CLEC16A: variants seen among roughly 807,000 people sequenced by gnomAD.
CLEC16A encodes C-type lectin domain containing 16A.
Under a neutral mutation model 109.5 loss-of-function variants are expected in CLEC16A, and 51 were observed. The observed-to-expected ratio is 0.47, with a 90% confidence interval of 0.37 to 0.59. The LOEUF (loss-of-function observed/expected upper bound fraction) is 0.59. Ranked by LOEUF, CLEC16A falls within the 20% of genes least tolerant of loss-of-function variation. The probability of loss-of-function intolerance (pLI) is 0.00; values close to 1 mark genes in which losing one functional copy is unlikely to be tolerated. For synonymous variants in CLEC16A, 673 were observed against 564.2 expected, an observed-to-expected ratio of 1.19 and a Z score of -2.73; for missense variants, 1,339 against 1,394.0, an observed-to-expected ratio of 0.96 and a Z score of 0.63.
intron 10 of CLEC16A, among the ~76,000 whole-genome samples, chr16:11,002,607 C>A (rs139851400): frequency 6.6e-6 from 1 of 152,232 alleles, no homozygotes; most frequent in East Asian, 1.9e-4. Flanking sequence ...TGGAGTAATG[C>A]GCACTGGACC....
chr16:10,994,279 C>T (rs1212556239), intron 10 of CLEC16A, among the ~76,000 whole-genome samples: 1 of 152,210 alleles, frequency 6.6e-6, no homozygotes, highest in Non-Finnish European at 1.5e-5. Context: ...ACTGATGTTG[C>T]AGCTGTGCAT....
chr16:11,010,875 C>CTT (rs1457036863), intron 11 of CLEC16A, among the ~76,000 whole-genome samples: 1 of 152,138 alleles, frequency 6.6e-6, no homozygotes, highest in Non-Finnish European at 1.5e-5. Context: ...GAACCTCCTC[C>CTT]TTTTTTTGTT....
At chr16:11,029,970 C>A (rs1327704300) in intron 13 of CLEC16A, among the ~76,000 whole-genome samples, 1 of 152,198 alleles carries the variant, frequency 6.6e-6, no homozygotes, top group East Asian at 1.9e-4. Flanking sequence ...TTTGTATAAA[C>A]AGAGTCATGC....
At chr16:10,971,637 A>G (rs78406626) in intron 5 of CLEC16A, 1 of 528,994 alleles carries the variant, frequency 1.9e-6, no homozygotes, top group East Asian at 1.5e-4. Context: ...AGCATGTCAC[A>G]TTGTGAACAG....
chr16:10,982,776 C>T, intron 9 of CLEC16A, 102 bp from the exon 10 acceptor site: 1 of 667,532 alleles, frequency 1.5e-6, no homozygotes, highest in Admixed American at 2.4e-5. Context: ...CTGCTTAATA[C>T]AGGACTTAGG....
intron 22 of CLEC16A, among the ~76,000 whole-genome samples, chr16:11,135,378 C>G (rs1286255443): frequency 6.6e-6 from 1 of 152,202 alleles, no homozygotes; most frequent in Non-Finnish European, 1.5e-5. Flanking sequence ...GGTTTCCCCA[C>G]TCACAACATG....
At chr16:11,013,614 C>G (rs776157848) in intron 11 of CLEC16A, among the ~76,000 whole-genome samples, 1 of 152,114 alleles carries the variant, frequency 6.6e-6, no homozygotes, top group African/African-American at 2.4e-5. Flanking sequence ...AAAAATTAGC[C>G]AGGCATGGTG....
At chr16:11,093,482 C>G (rs2050431002) in intron 19 of CLEC16A, among the ~76,000 whole-genome samples, 1 of 152,208 alleles carries the variant, frequency 6.6e-6, no homozygotes, top group African/African-American at 2.4e-5. Context: ...CCCTGCTGGA[C>G]ACTTCAGTGA....
rs1277141126 is a variant in CLEC16A, at chr16:10,944,816, G to A, written c.80+19G>A. ...ACCTCAAGTGAGTGTGGGGGGCGTA[G>A]CGGGAGGCCTCGGGGCTGGACAGGG... On this transcript the variant is annotated intron_variant, in intron 1 of 23. Transcript: ENST00000409790. 1 of 1,590,438 alleles carries A rather than the reference G, an allele frequency of 6.3e-7. No individual in the cohort carries two copies. Among genetic ancestry groups the A allele is most frequent in the Non-Finnish European group, 8.6e-7 (1 of 1,166,662 alleles).
intron 22 of CLEC16A, among the ~76,000 whole-genome samples, chr16:11,137,660 G>A (rs1004389851): frequency 6.9e-6 from 1 of 144,256 alleles, no homozygotes; most frequent in Non-Finnish European, 1.5e-5. Context: ...AATACAAAAA[G>A]TAGCCGGGCG....
chr16:11,058,796 T>G (rs1434165081), intron 18 of CLEC16A, among the ~76,000 whole-genome samples: 1 of 152,206 alleles, frequency 6.6e-6, no homozygotes, highest in Non-Finnish European at 1.5e-5. Flanking sequence ...ACCCACCTGC[T>G]CTGGTCCTGC....
intron 5 of CLEC16A, 190 bp from the exon 6 acceptor site, chr16:10,972,364 C>T (rs974501126): frequency 8.4e-6 from 5 of 593,326 alleles, no homozygotes; most frequent in African/African-American, 5.7e-5. Context: ...GTCCAAGCCA[C>T]AGTTGGTTCT....
intron 22 of CLEC16A, among the ~76,000 whole-genome samples, chr16:11,133,018 C>T (rs754330825): frequency 5.9e-5 from 9 of 152,112 alleles, no homozygotes; most frequent in African/African-American, 2.2e-4. Context: ...TGGACTTCAT[C>T]CCTTAAGGGC....
intron 18 of CLEC16A, among the ~76,000 whole-genome samples, chr16:11,059,923 G>A (rs943605318): frequency 6.6e-6 from 1 of 152,220 alleles, no homozygotes; most frequent in Non-Finnish European, 1.5e-5. Flanking sequence ...TCCCCATGGG[G>A]CACTGCACCC....
At chr16:11,129,659 C>T (rs577821558) in intron 22 of CLEC16A, among the ~76,000 whole-genome samples, 13 of 152,308 alleles carry the variant, frequency 8.5e-5, no homozygotes, top group African/African-American at 1.9e-4. Context: ...AGCTGCCTCC[C>T]GCTAACGGCT....
chr16:11,156,947 G>A, intron 22 of CLEC16A: 1 of 131,502 alleles, frequency 7.6e-6, no homozygotes, highest in Middle Eastern at 7.7e-4. Flanking sequence ...CCTGCCGGTA[G>A]CAAAAGGGGC....
chr16:11,162,743 A>G (rs1305501085), intron 22 of CLEC16A, among the ~76,000 whole-genome samples: 1 of 152,268 alleles, frequency 6.6e-6, no homozygotes, highest in East Asian at 1.9e-4. Context: ...ATCTAGAGGG[A>G]TTAGAATTCA....
At chr16:10,977,569 A>T (rs2043091127) in intron 8 of CLEC16A, among the ~76,000 whole-genome samples, 170 bp downstream of exon 8, 1 of 152,068 alleles carries the variant, frequency 6.6e-6, no homozygotes, top group Non-Finnish European at 1.5e-5. Flanking sequence ...GCTGGAGTGC[A>T]GTGGTGCGAT....
At chr16:11,024,093 G>T (rs2046277629) in intron 12 of CLEC16A, 1 of 152,222 alleles carries the variant, frequency 6.6e-6, no homozygotes, top group Non-Finnish European at 1.5e-5. Flanking sequence ...CTGAGAAATT[G>T]CTGGGTCAGG....
Sources: gnomAD v4.1 joint callset for allele counts (sites outside exome capture counted in the v4.1 genomes callset) on GRCh38, gnomAD v4.1.1 for gene constraint, MANE v1.5 for transcripts, NCBI Gene and HGNC (gene_info 2026-07-23, HGNC 2026-07-21) for gene names.